The following CPEB3 variants were observed in gnomAD, a reference collection of about 807,000 sequenced individuals.
CPEB3 encodes the protein cytoplasmic polyadenylation element-binding protein 3.
CPEB3 carries 20 observed loss-of-function variants against 67.2 expected under a neutral mutation model. The ratio of observed to expected loss-of-function variants is 0.30; its 90% CI spans 0.21 to 0.43. The LOEUF (loss-of-function observed/expected upper bound fraction) is 0.43. Ranked by LOEUF, CPEB3 falls within the 20% of genes least tolerant of loss-of-function variation. The pLI is 1.00. For synonymous variants in CPEB3, 376 were observed against 393.1 expected (o/e 0.96, Z 0.51); for missense variants, 746 against 968.6 (o/e 0.77, Z 3.05).
chr10:92,070,941 A>T (rs1842727385), intron 9 of CPEB3, among the ~76,000 whole-genome samples: 2 of 152,130 alleles, frequency 1.3e-5, no homozygotes, highest in South Asian at 2.1e-4. Flanking sequence ...TGAAATTCCA[A>T]TTAGATTGTT....
At chr10:92,203,741 G>A (rs1849649895) in intron 2 of CPEB3, among the ~76,000 whole-genome samples, 1 of 151,910 alleles carries the variant, frequency 6.6e-6, no homozygotes, top group Non-Finnish European at 1.5e-5. Context: ...CTGAAGGAAG[G>A]CAAAGTCTTG....
intron 2 of CPEB3, among the ~76,000 whole-genome samples, chr10:92,193,806 CTTTTT>C (rs999209187): frequency 7.1e-6 from 1 of 140,628 alleles, no homozygotes. Context: ...TTTTTTTTTT[CTTTTT>C]TTTAAGACAG....
rs115991582 is a variant in CPEB3, at chr10:92,238,293, T to C, written c.1005+1053A>G. On this transcript the variant is annotated intron_variant, in intron 2 of 9. Transcript: ENST00000265997. ...TGAACACACACCCGCACTACGCCTT[T>C]CCAACCCAAGATGCCCAGGACACTG... Among the ~76,000 whole-genome samples the C allele has an allele frequency of 1.0e-3, 155 of 152,304 alleles. 1 individual carries two copies. The highest frequency in any genetic ancestry group is 3.7e-3 in the African/African-American group (152 of 41,564).
intron 1 of CPEB3, among the ~76,000 whole-genome samples, chr10:92,254,239 A>C (rs2134821204): frequency 6.6e-6 from 1 of 152,174 alleles, no homozygotes; most frequent in African/African-American, 2.4e-5. Flanking sequence ...TAAAAAAAAA[A>C]AAATGCAAAG....
In CPEB3 at chr10:92,067,178, T is replaced by C. The variant is rs934887117; in HGVS notation, c.1869+14142A>G. ...TCAACTATGAGCTGGAATGCTGTTGTTTAGAAAGCAGATGACAGATGCCTA... is the reference window on the plus strand; with the variant it reads ...TCAACTATGAGCTGGAATGCTGTTGCTTAGAAAGCAGATGACAGATGCCTA... On this transcript the variant is annotated intron_variant, in intron 9 of 9. Coordinates refer to ENST00000265997, the MANE Select transcript of CPEB3 (RefSeq NM_014912.5). Among the ~76,000 whole-genome samples the C allele has an allele frequency of 2.6e-5, 4 of 152,014 alleles. 1 individual carries two copies. Among genetic ancestry groups the C allele is most frequent in the Non-Finnish European group, 5.9e-5 (4 of 67,988 alleles).
Position 92,051,260 on chromosome 10 carries a change from AG to A in CPEB3, c.*951del, listed in dbSNP as rs1439792467. The A allele has an allele frequency of 6.6e-6, 1 of 152,660 alleles. No individual in the cohort carries two copies. Among genetic ancestry groups the A allele is most frequent in the Non-Finnish European group, 1.5e-5 (1 of 68,040 alleles). The allele number at this position is 152,660 out of a possible 1,614,324, so 9.5% of individuals were successfully genotyped here. On this transcript the variant is annotated 3_prime_UTR_variant, in exon 10 of 10. Coordinates refer to ENST00000265997, the MANE Select transcript of CPEB3 (RefSeq NM_014912.5). ...AAATGAGTATTTTTATAGCTTATAT[AG>A]ATTCTTAATTTGTGCATTGTGGGAA...
At chr10:92,100,838 G>A (rs1446309234) in intron 7 of CPEB3, among the ~76,000 whole-genome samples, 1 of 151,600 alleles carries the variant, frequency 6.6e-6, no homozygotes, top group Non-Finnish European at 1.5e-5. Context: ...TGATCCACCC[G>A]CCTCGGCTTC....
intron 1 of CPEB3, among the ~76,000 whole-genome samples, chr10:92,274,308 C>T (rs1042868374): frequency 6.6e-6 from 1 of 152,264 alleles, no homozygotes; most frequent in African/African-American, 2.4e-5. Flanking sequence ...CAATCTCCTC[C>T]CAGTTATGGC....
chr10:92,051,674 A>G lies in CPEB3; in HGVS notation c.*538T>C, dbSNP rs1366949632. On this transcript the variant is annotated 3_prime_UTR_variant, in exon 10 of 10. Transcript: ENST00000265997. ...AGAGAGCAACTAAAGGCTTATTTTC[A>G]TGAAGGGTTATCCTTACTCTAAGTG... 6.6e-6 allele frequency: 1 copy of G among 152,462 alleles called. No homozygotes were observed. The highest frequency in any genetic ancestry group is 2.4e-5 in the African/African-American group (1 of 41,456). The allele number at this position is 152,462 out of a possible 1,614,324, so 9.4% of individuals were successfully genotyped here. A position where few individuals can be genotyped will look rare whatever the true frequency, so the allele number is the denominator to read the frequency against.
chr10:92,224,184 G>C (rs1850849736), intron 2 of CPEB3, among the ~76,000 whole-genome samples: 1 of 152,194 alleles, frequency 6.6e-6, no homozygotes, highest in Admixed American at 6.6e-5. Context: ...ACAGGCGTGA[G>C]CCACCGTGCC....
chr10:92,289,732 A>AAAAAAAAAAAAAAAAT lies in CPEB3; in HGVS notation c.-12+1193_-12+1194insATTTTTTTTTTTTTTT. On this transcript the variant is annotated intron_variant, in intron 1 of 9. Transcript: ENST00000265997. The stretch of plus-strand genomic sequence containing the variant: ...CGCGTCTCTACCAAAAAAAAAAAAA[A>AAAAAAAAAAAAAAAAT]ATATATATATATATATATATATATA... 2.2e-3 allele frequency among the ~76,000 whole-genome samples: 165 copies of AAAAAAAAAAAAAAAAT among 75,754 alleles called. 6 individuals are homozygous for AAAAAAAAAAAAAAAAT. The highest frequency in any genetic ancestry group is 2.6e-3 in the Non-Finnish European group (101 of 39,080). 49.7% of individuals were successfully genotyped at this position (75,754 alleles called of 152,430 possible).
At chr10:92,065,246 T>A (rs566016459) in intron 9 of CPEB3, among the ~76,000 whole-genome samples, 3 of 152,268 alleles carry the variant, frequency 2.0e-5, no homozygotes, top group African/African-American at 7.2e-5. Flanking sequence ...TGAGACAGGG[T>A]CACTCGCTCT....
chr10:92,190,665 CAAAAAAAAAAAAAAAAAAAAAAAA>C lies in CPEB3; in HGVS notation c.1165+1788_1165+1811del, dbSNP rs780757034. Among the ~76,000 whole-genome samples the C allele has an allele frequency of 5.1e-5, 4 of 78,396 alleles. No individual in the cohort carries two copies. The East Asian group carries it at 1.3e-3, about 26-fold the overall frequency. The allele number at this position is 78,396 out of a possible 152,430, so 51.4% of individuals were successfully genotyped here. ...GGGCAACAAGAGCGAAACTCCATCT[CAAAAAAAAAAAAAAAAAAAAAAAA>C]AAAAAAAAAAAAAGGAGGAGGAAAA... On this transcript the variant is annotated intron_variant, in intron 3 of 9. Transcript: ENST00000265997.
intron 5 of CPEB3, among the ~76,000 whole-genome samples, chr10:92,144,143 C>CT (rs1846568422): frequency 1.3e-5 from 2 of 152,184 alleles, no homozygotes; most frequent in South Asian, 4.1e-4. Context: ...AATAAACTGG[C>CT]TTTAGGCATA....
chr10:92,192,356 G>A (rs1486720960), intron 3 of CPEB3, 121 bp downstream of exon 3: 1 of 938,450 alleles, frequency 1.1e-6, no homozygotes, highest in African/African-American at 1.7e-5. Flanking sequence ...ATTCCACAAT[G>A]CTTTACAGAA....
intron 6 of CPEB3, chr10:92,119,100 A>G: frequency 1.3e-6 from 2 of 1,585,216 alleles, no homozygotes; most frequent in South Asian, 2.2e-5. Context: ...CCCCAGCTAT[A>G]CCAGTCTGGA....
rs574027937 is a variant in CPEB3 at position 92,196,945 on chromosome 10, G to C, written c.1006-4309C>G. On this transcript the variant is annotated intron_variant, in intron 2 of 9. Coordinates refer to ENST00000265997, the MANE Select transcript of CPEB3 (RefSeq NM_014912.5). The stretch of plus-strand genomic sequence containing the variant: ...AGACCCCATCTCAAAAAAAAAAAAA[G>C]GGTAGGGGATAATTCTCTCTTCATG... Among the ~76,000 whole-genome samples, 735 of 150,230 alleles carry C rather than the reference G, an allele frequency of 4.9e-3. 4 individuals carry two copies. The highest frequency in any genetic ancestry group is 7.7e-3 in the Non-Finnish European group (521 of 67,496).
At chr10:92,094,840 CAG>C (rs1165221590) in intron 7 of CPEB3, among the ~76,000 whole-genome samples, 1 of 148,216 alleles carries the variant, frequency 6.7e-6, no homozygotes, top group African/African-American at 2.5e-5. Context: ...CACACACACA[CAG>C]AGATGTATCT....
intron 2 of CPEB3, among the ~76,000 whole-genome samples, chr10:92,226,902 G>A (rs1023053720): frequency 6.6e-6 from 1 of 151,860 alleles, no homozygotes; most frequent in African/African-American, 2.4e-5. Flanking sequence ...AGGGGGGAGC[G>A]AACCCAGATG....
Sources: allele counts gnomAD v4.1 joint callset (sites outside exome capture counted in the v4.1 genomes callset), GRCh38; gene constraint gnomAD v4.1.1; transcripts MANE v1.5; gene names NCBI Gene and HGNC (gene_info 2026-07-23, HGNC 2026-07-21).